Variants in PAX3 observed in about 807,000 individuals in gnomAD.
PAX3 encodes the protein paired box protein Pax-3.
In PAX3, 14 loss-of-function variants were observed where a neutral mutation model predicts 51.6. The ratio of observed to expected loss-of-function variants is 0.27; its 90% CI spans 0.18 to 0.42. The LOEUF (loss-of-function observed/expected upper bound fraction) is 0.42. Among genes scored for constraint, PAX3 ranks in the 10% least tolerant of loss-of-function variants. The pLI, the probability that PAX3 is intolerant of heterozygous loss-of-function variation, is 1.00. For synonymous variants in PAX3, 280 were observed against 253.4 expected, an observed-to-expected ratio of 1.11 and a Z score of -1.00; for missense variants, 540 against 642.8, an observed-to-expected ratio of 0.84 and a Z score of 1.73.
intron 4 of PAX3, among the ~76,000 whole-genome samples, chr2:222,234,372 C>A (rs1692720377): frequency 2.0e-5 from 3 of 152,086 alleles, no homozygotes; most frequent in African/African-American, 7.2e-5. Flanking sequence ...CTAGCTATGG[C>A]AATATTTTAA....
chr2:222,266,565 G>T (rs1202599142), intron 4 of PAX3, among the ~76,000 whole-genome samples: 1 of 152,204 alleles, frequency 6.6e-6, no homozygotes, highest in East Asian at 1.9e-4. Context: ...GCAGGTTCTA[G>T]ATTTGCGCAA....
chr2:222,289,566 TC>T (rs1270812093), intron 4 of PAX3, among the ~76,000 whole-genome samples: 11 of 152,116 alleles, frequency 7.2e-5, no homozygotes, highest in Non-Finnish European at 1.0e-4. Flanking sequence ...ACGTCCTGGT[TC>T]CGGTGCTATC....
intron 4 of PAX3, among the ~76,000 whole-genome samples, chr2:222,283,278 A>G (rs560021333): frequency 3.3e-5 from 5 of 152,340 alleles, no homozygotes; most frequent in Non-Finnish European, 7.3e-5. Flanking sequence ...CAAGGTGCAG[A>G]AAAGTTTATA....
intron 4 of PAX3, among the ~76,000 whole-genome samples, chr2:222,293,253 G>A (rs1057058491): frequency 2.6e-5 from 4 of 152,150 alleles, no homozygotes; most frequent in African/African-American, 9.7e-5. Context: ...CCACCCCCAA[G>A]GCCAAAGCCA....
intron 4 of PAX3, among the ~76,000 whole-genome samples, chr2:222,237,024 C>T (rs1692822470): frequency 6.6e-6 from 1 of 152,126 alleles, no homozygotes; most frequent in Non-Finnish European, 1.5e-5. Flanking sequence ...ATTAAAACCC[C>T]TTTACAATCC....
intron 4 of PAX3, among the ~76,000 whole-genome samples, chr2:222,244,653 G>C (rs1026580575): frequency 6.7e-6 from 1 of 149,790 alleles, no homozygotes; most frequent in Admixed American, 6.7e-5. Context: ...GTCCCAGAAT[G>C]TGTACAATAA....
At chr2:222,230,410 TG>T (rs936904076) in intron 5 of PAX3, among the ~76,000 whole-genome samples, 30 of 40,972 alleles carry the variant, frequency 7.3e-4, no homozygotes, top group Non-Finnish European at 1.2e-3. Flanking sequence ...CAGGGCCTGT[TG>T]GGGGGTGGGG....
At chr2:222,267,597 C>A (rs1369562349) in intron 4 of PAX3, among the ~76,000 whole-genome samples, 2 of 152,138 alleles carry the variant, frequency 1.3e-5, no homozygotes, top group African/African-American at 2.4e-5. Context: ...CTGTAAATTA[C>A]ATTTTTATTA....
At chr2:222,275,526 G>A (rs974224851) in intron 4 of PAX3, among the ~76,000 whole-genome samples, 1 of 151,888 alleles carries the variant, frequency 6.6e-6, no homozygotes, top group Non-Finnish European at 1.5e-5. Flanking sequence ...TGTAATATTT[G>A]AATGAATCAT....
chr2:222,228,280 G>A (rs1357364843), intron 5 of PAX3, among the ~76,000 whole-genome samples: 9 of 152,154 alleles, frequency 5.9e-5, no homozygotes, highest in Admixed American at 4.6e-4. Context: ...AAGAGTCACC[G>A]GGTTAAAGCC....
Position 222,298,826 on chromosome 2 carries a change from C to T in PAX3, c.-211G>A. On this transcript the variant is annotated 5_prime_UTR_variant, in exon 1 of 9. Transcript: ENST00000392070. ...CCGGGAAAGGGGAGGACGGGGAGGC[C>T]CCGGAGTCCAGGATCCCGAGCCCAG... 1 of 609,336 alleles carries T rather than the reference C, an allele frequency of 1.6e-6. No homozygotes were observed. The highest frequency in any genetic ancestry group is 2.9e-6 in the Non-Finnish European group (1 of 340,264). The allele number at this position is 609,336 out of a possible 1,614,324, so 37.7% of individuals were successfully genotyped here.
intron 4 of PAX3, among the ~76,000 whole-genome samples, chr2:222,251,955 C>T (rs1693450131): frequency 6.6e-6 from 1 of 152,132 alleles, no homozygotes; most frequent in Admixed American, 6.6e-5. Flanking sequence ...AAATGGAGTG[C>T]TACGAGACAA....
intron 4 of PAX3, among the ~76,000 whole-genome samples, chr2:222,291,359 G>A (rs1695031291): frequency 6.6e-6 from 1 of 152,186 alleles, no homozygotes; most frequent in Non-Finnish European, 1.5e-5. Context: ...CTGGAGGGAT[G>A]TATCCAGCAA....
At chr2:222,259,555 G>A (rs947881201) in intron 4 of PAX3, among the ~76,000 whole-genome samples, 5 of 152,062 alleles carry the variant, frequency 3.3e-5, no homozygotes, top group South Asian at 2.1e-4. Context: ...AAATAACACC[G>A]GTTGTGTTTA....
intron 4 of PAX3, among the ~76,000 whole-genome samples, chr2:222,288,460 T>G (rs1694912888): frequency 6.6e-6 from 1 of 152,232 alleles, no homozygotes; most frequent in Non-Finnish European, 1.5e-5. Context: ...ACAGAAATTA[T>G]GGAAACACGT....
intron 4 of PAX3, 127 bp downstream of exon 4, chr2:222,294,040 C>T: frequency 1.3e-6 from 2 of 1,566,526 alleles, no homozygotes; most frequent in Non-Finnish European, 1.7e-6. Flanking sequence ...TACTCAGGCG[C>T]AGAGACACCG....
chr2:222,278,231 G>A (rs115228519), intron 4 of PAX3, among the ~76,000 whole-genome samples: 1,919 of 152,254 alleles, frequency 0.013, 40 homozygotes, highest in African/African-American at 0.043. Context: ...TCTGAAGACT[G>A]AGAGTCTAGG....
chr2:222,270,305 T>C (rs1694204532), intron 4 of PAX3, among the ~76,000 whole-genome samples: 2 of 152,222 alleles, frequency 1.3e-5, no homozygotes, highest in Admixed American at 6.5e-5. Context: ...GGCCTCCTGG[T>C]AGACATAACA....
At position 222,203,287 on chromosome 2, in the gene PAX3, G is replaced by A. The variant is rs528832491; in HGVS notation, c.1174-1097C>T. Among the ~76,000 whole-genome samples the A allele has an allele frequency of 7.9e-5, 12 of 151,834 alleles. No individual in the cohort carries two copies. The South Asian group carries it at 1.5e-3, about 19-fold the overall frequency. On this transcript the variant is annotated intron_variant, in intron 7 of 8. Coordinates refer to ENST00000392070, the MANE Select transcript of PAX3 (RefSeq NM_181458.4). ...TTTTGCAGCTGGAAAACTGCCACACGAGAGAGGAAGCGATTTTTCTAAACT... is the reference window on the plus strand; with the variant it reads ...TTTTGCAGCTGGAAAACTGCCACACAAGAGAGGAAGCGATTTTTCTAAACT...
Sources: allele counts gnomAD v4.1 joint callset (sites outside exome capture counted in the v4.1 genomes callset), GRCh38; gene constraint gnomAD v4.1.1; transcripts MANE v1.5; gene names NCBI Gene and HGNC (gene_info 2026-07-23, HGNC 2026-07-21).